The following C3orf70 variants were observed in gnomAD, a reference collection of about 807,000 sequenced individuals.
C3orf70 encodes the protein UPF0524 protein C3orf70.
C3orf70 carries 15 observed loss-of-function variants against 20.7 expected under a neutral mutation model. The ratio of observed to expected loss-of-function variants is 0.72; its 90% CI spans 0.48 to 1.11. The LOEUF (loss-of-function observed/expected upper bound fraction) is 1.11, where lower values mean the gene tolerates loss of function less well. C3orf70 is among the 50% of genes most tolerant of loss of function. The pLI is 0.00. For missense variants in C3orf70, 332 were observed against 317.6 expected, an observed-to-expected ratio of 1.05 and a Z score of -0.34; for synonymous variants, 161 against 125.7, an observed-to-expected ratio of 1.28 and a Z score of -1.88.
rs545975823 is a variant in C3orf70, at chr3:185,102,918, G to T, written c.197-19355C>A. On this transcript the variant is annotated intron_variant, in intron 1 of 1. Transcript: ENST00000335012. ...AAAAATTAACTCAAGATAGATAAAAGACTTAAATGTAAAACCCAAAACTAT... is the reference window on the plus strand; with the variant it reads ...AAAAATTAACTCAAGATAGATAAAATACTTAAATGTAAAACCCAAAACTAT... 2.0e-5 allele frequency among the ~76,000 whole-genome samples: 3 copies of T among 152,244 alleles called. No individual in the cohort carries two copies. The South Asian group carries it at 6.2e-4, about 32-fold the overall frequency.
rs1203608333 is a variant in C3orf70, at chr3:185,091,908, CAT to C, written c.197-8347_197-8346del. 3.7e-4 allele frequency among the ~76,000 whole-genome samples: 22 copies of C among 58,986 alleles called. 2 individuals carry two copies. The highest frequency in any genetic ancestry group is 4.5e-4 in the Non-Finnish European group (13 of 28,872). 38.7% of individuals were successfully genotyped at this position (58,986 alleles called of 152,430 possible). A position where few individuals can be genotyped will look rare whatever the true frequency, so the allele number is the denominator to read the frequency against. On this transcript the variant is annotated intron_variant, in intron 1 of 1. Transcript: ENST00000335012. Reference sequence around the variant, plus strand: ...ATATATACACACATACACACACACACATACATATATATATATATATATATATA... The same window carrying C: ...ATATATACACACATACACACACACACACATATATATATATATATATATATA...
chr3:185,086,603 G>A (rs149684843), intron 1 of C3orf70, among the ~76,000 whole-genome samples: 325 of 152,266 alleles, frequency 2.1e-3, no homozygotes, highest in Non-Finnish European at 3.2e-3. Flanking sequence ...AGAAATACAC[G>A]TTTGTTGTTT....
intron 1 of C3orf70, among the ~76,000 whole-genome samples, chr3:185,094,085 T>TTG (rs1233609390): frequency 1.2e-4 from 17 of 143,380 alleles, no homozygotes; most frequent in Non-Finnish European, 1.7e-4. Context: ...TTTTTTTTTT[T>TTG]TTTTTTTTTT....
At chr3:185,092,788 C>T (rs770881716) in intron 1 of C3orf70, among the ~76,000 whole-genome samples, 1 of 152,020 alleles carries the variant, frequency 6.6e-6, no homozygotes, top group African/African-American at 2.4e-5. Context: ...GTCAGGAGAT[C>T]GAGACCATCC....
At chr3:185,114,773 T>C (rs930214052) in intron 1 of C3orf70, among the ~76,000 whole-genome samples, 4 of 152,242 alleles carry the variant, frequency 2.6e-5, no homozygotes, top group Admixed American at 2.6e-4. Context: ...CCGAATGACT[T>C]AATAAGCTAA....
At chr3:185,088,014 C>T (rs1395900058) in intron 1 of C3orf70, among the ~76,000 whole-genome samples, 2 of 151,266 alleles carry the variant, frequency 1.3e-5, no homozygotes, top group East Asian at 3.9e-4. Context: ...TGGGTTCATG[C>T]GATTCTCCTG....
At chr3:185,090,641 G>A (rs561214480) in intron 1 of C3orf70, among the ~76,000 whole-genome samples, 8 of 152,158 alleles carry the variant, frequency 5.3e-5, no homozygotes, top group African/African-American at 9.6e-5. Flanking sequence ...TATTCCCAAG[G>A]GCATTCATTA....
chr3:185,142,541 T>C (rs1716776584), intron 1 of C3orf70, among the ~76,000 whole-genome samples: 1 of 152,224 alleles, frequency 6.6e-6, no homozygotes, highest in South Asian at 2.1e-4. Context: ...TGACAAAATT[T>C]GAACATCGCT....
chr3:185,083,841 T>C (rs1020316224), intron 1 of C3orf70, among the ~76,000 whole-genome samples: 2 of 152,192 alleles, frequency 1.3e-5, no homozygotes, highest in African/African-American at 4.8e-5. Context: ...ATAATCCTTA[T>C]TTTACAGACA....
At chr3:185,095,573 G>C (rs1264759670) in intron 1 of C3orf70, among the ~76,000 whole-genome samples, 1 of 152,102 alleles carries the variant, frequency 6.6e-6, no homozygotes, top group African/African-American at 2.4e-5. Context: ...AGAAAAAGAA[G>C]ATCTTGAAGC....
intron 1 of C3orf70, among the ~76,000 whole-genome samples, chr3:185,148,583 T>C (rs1237663839): frequency 6.6e-6 from 1 of 152,224 alleles, no homozygotes; most frequent in African/African-American, 2.4e-5. Flanking sequence ...TACATATGAT[T>C]TCTTTCCCAT....
At chr3:185,125,279 T>C (rs1716383181) in intron 1 of C3orf70, among the ~76,000 whole-genome samples, 1 of 151,830 alleles carries the variant, frequency 6.6e-6, no homozygotes, top group African/African-American at 2.4e-5. Flanking sequence ...CTTGGGAGGC[T>C]TGAGGCAGGA....
In C3orf70 at chr3:185,077,789, TG is replaced by T. The variant is rs10663284; in HGVS notation, c.*5217del. 9.3e-3 allele frequency among the ~76,000 whole-genome samples: 1,153 copies of T among 124,122 alleles called. 35 individuals are homozygous for T. In the South Asian group the frequency reaches 0.097, roughly 10 times the overall value. 81.4% of individuals were successfully genotyped at this position (124,122 alleles called of 152,430 possible). A position where few individuals can be genotyped will look rare whatever the true frequency, so the allele number is the denominator to read the frequency against. ...TGAAATAAATGCTATTTGGTGGTGG[TG>T]GGGGGGGGGTATCAAGTTTTATTTG... On this transcript the variant is annotated 3_prime_UTR_variant, in exon 2 of 2. Transcript: ENST00000335012.
chr3:185,132,377 T>C (rs1234725544), intron 1 of C3orf70, among the ~76,000 whole-genome samples: 2 of 151,694 alleles, frequency 1.3e-5, no homozygotes, highest in African/African-American at 4.8e-5. Context: ...GAAGTCTTTT[T>C]CAAAATGACT....
At chr3:185,116,466 C>T (rs760639648) in intron 1 of C3orf70, among the ~76,000 whole-genome samples, 6 of 152,164 alleles carry the variant, frequency 3.9e-5, no homozygotes, top group Admixed American at 6.5e-5. Flanking sequence ...TTATTATTTA[C>T]GTTTTAGGCT....
intron 1 of C3orf70, among the ~76,000 whole-genome samples, chr3:185,098,352 C>A (rs1715752716): frequency 6.6e-6 from 1 of 152,190 alleles, no homozygotes; most frequent in African/African-American, 2.4e-5. Context: ...CTAATAAAAA[C>A]CAAATAGAAT....
At chr3:185,128,897 C>A (rs1451082548) in intron 1 of C3orf70, among the ~76,000 whole-genome samples, 2 of 152,162 alleles carry the variant, frequency 1.3e-5, no homozygotes, top group Non-Finnish European at 2.9e-5. Context: ...TAATTTCTAT[C>A]ACAGCATGAA....
rs1553918793 is a variant in C3orf70 at position 185,079,288 on chromosome 3, A to AAAAAAAAATAAAAT, written c.*3718_*3719insATTTTATTTTTTTT. 549 of 148,088 alleles carry AAAAAAAAATAAAAT rather than the reference A, an allele frequency of 3.7e-3. 4 individuals carry two copies. Among genetic ancestry groups the AAAAAAAAATAAAAT allele is most frequent in the African/African-American group, 0.013 (504 of 38,976 alleles). 9.2% of individuals were successfully genotyped at this position (148,088 alleles called of 1,614,324 possible). ...GGAGCGAGACTCTGTCTCAAAAAAA[A>AAAAAAAAATAAAAT]AAAAAAAAAAAAAAAAGTAAAGCCA... On this transcript the variant is annotated 3_prime_UTR_variant, in exon 2 of 2. Coordinates refer to ENST00000335012, the MANE Select transcript of C3orf70 (RefSeq NM_001025266.3).
intron 1 of C3orf70, among the ~76,000 whole-genome samples, chr3:185,103,023 T>C (rs1179761311): frequency 6.6e-6 from 1 of 152,018 alleles, no homozygotes; most frequent in Non-Finnish European, 1.5e-5. Context: ...GGTGAGTGGA[T>C]CACCTGAGGT....
Sources: gnomAD v4.1 joint callset for allele counts (sites outside exome capture counted in the v4.1 genomes callset) on GRCh38, gnomAD v4.1.1 for gene constraint, MANE v1.5 for transcripts, NCBI Gene and HGNC (gene_info 2026-07-23, HGNC 2026-07-21) for gene names.